The following MYO18A variants were observed in gnomAD, a reference collection of about 807,000 sequenced individuals.
The protein encoded by MYO18A is unconventional myosin-XVIIIa.
A neutral mutation model predicts 235.8 loss-of-function variants in MYO18A; 78 were observed. The observed-to-expected ratio is 0.33, with a 90% CI of 0.28 to 0.40. The LOEUF is 0.40. Ranked by LOEUF, MYO18A falls within the 10% of genes least tolerant of loss-of-function variation. The pLI, the probability that MYO18A is intolerant of heterozygous loss-of-function variation, is 1.00. For synonymous variants in MYO18A, 977 were observed against 1,077.8 expected (o/e 0.91, Z 1.83); for missense variants, 2,215 against 2,699.3 (o/e 0.82, Z 3.98).
At chr17:29,079,764 C>CATCA in intron 41 of MYO18A, 1 of 986,096 alleles carries the variant, frequency 1.0e-6, no homozygotes, top group Non-Finnish European at 1.2e-6. Flanking sequence ...GGTACCGCAT[C>CATCA]ATCAGGCTGT....
At chr17:29,155,465 G>C (rs552993079) in intron 2 of MYO18A, 117 of 152,364 alleles carry the variant, frequency 7.7e-4, no homozygotes, top group Non-Finnish European at 1.5e-3. Context: ...CTGGCAGTGA[G>C]AGGTGCTGGG....
At chr17:29,115,601 G>GA in intron 12 of MYO18A, 63 bp downstream of exon 12, 2 of 1,514,912 alleles carry the variant, frequency 1.3e-6, no homozygotes, top group Non-Finnish European at 1.8e-6. Context: ...CCGCCCCAGG[G>GA]ATGGCAGCAA....
chr17:29,097,250 C>T lies in MYO18A; in HGVS notation c.4203G>A (p.Gln1401=), dbSNP rs562086416. Reference sequence around the variant, plus strand: ...GCCGTTCCAGCTGCCTCTTGTTCTGCTGCTCCACCTCCAGCTTGTCCTCAA... The same window carrying T: ...GCCGTTCCAGCTGCCTCTTGTTCTGTTGCTCCACCTCCAGCTTGTCCTCAA... ...QEFEDKLEVE[Q]QNKRQLERRL... The change falls in exon 27 of 42, where the codon CAG becomes CAA. Residue 1401 remains glutamine (Q), a synonymous_variant. Coordinates refer to ENST00000527372, the MANE Select transcript of MYO18A (RefSeq NM_078471.4). 31 of 1,611,004 alleles carry T rather than the reference C, an allele frequency of 1.9e-5. No individual in the cohort carries two copies. In the East Asian group the frequency reaches 5.1e-4, roughly 27 times the overall value.
chr17:29,165,852 C>A (rs2068269531), intron 2 of MYO18A, 90 bp downstream of exon 2: 2 of 1,255,134 alleles, frequency 1.6e-6, no homozygotes, highest in East Asian at 2.5e-5. Context: ...GCTCTGATAA[C>A]AGCTCTTGGG....
chr17:29,092,813 G>C, intron 33 of MYO18A, 42 bp downstream of exon 33: 1 of 1,606,936 alleles, frequency 6.2e-7, no homozygotes, highest in Non-Finnish European at 8.5e-7. Context: ...GGAAAGGTAA[G>C]CTCTGTTGTG....
In MYO18A at chr17:29,090,606, C is replaced by G. The variant is rs772692547; in HGVS notation, c.5314G>C (p.Asp1772His). ...TGGAGATCATTTATCTGAGCCAGGT[C>G]CCGGGAAGCCTGGGAAAGGAATGAG... ...HKAAVAQASR[D>H]LAQINDLQAQ... Residue 1772 changes from aspartate (D) to histidine (H), a missense_variant, in exon 36 of 42, where the codon GAC becomes CAC. Asp to His is a moderately conservative substitution (Grantham distance 81). Coordinates refer to ENST00000527372, the MANE Select transcript of MYO18A (RefSeq NM_078471.4). 4 of 1,598,808 alleles carry G rather than the reference C, an allele frequency of 2.5e-6. No individual in the cohort carries two copies. The Admixed American group carries it at 6.9e-5, about 28-fold the overall frequency.
Position 29,074,306 on chromosome 17 carries a change from C to T in MYO18A, c.*464G>A. The T allele has an allele frequency of 9.6e-7, 1 of 1,037,498 alleles. No homozygotes were observed. The highest frequency in any genetic ancestry group is 1.4e-6 in the Non-Finnish European group (1 of 722,806). The allele number at this position is 1,037,498 out of a possible 1,614,324, so 64.3% of individuals were successfully genotyped here. On this transcript the variant is annotated 3_prime_UTR_variant, in exon 42 of 42. Transcript: ENST00000527372. This position sits in a 1 kb window ranked among gnomAD's most constrained non-coding sequence, Gnocchi z 4.4. ...GTATTTAAATTAAAAAGTAGAAAGA[C>T]AGCAGGCACCAAGAAGAGAGAGCCC... is the stretch of plus-strand genomic sequence containing the variant.
In MYO18A at chr17:29,074,967, C is replaced by T. The variant is rs2065939895; in HGVS notation, c.6021-53G>A. 1.2e-6 allele frequency: 2 copies of T among 1,601,756 alleles called. No individual in the cohort carries two copies. Among genetic ancestry groups the T allele is most frequent in the Non-Finnish European group, 1.7e-6 (2 of 1,170,740 alleles). On this transcript the variant is annotated intron_variant, in intron 41 of 41. Transcript: ENST00000527372. This position sits in a 1 kb window ranked among gnomAD's most constrained non-coding sequence, Gnocchi z 4.4. ...GACAAATGACACTCCTACCATTAAG[C>T]ACGCACGCCTTTGGTTCTGGAGGCC...
At chr17:29,084,970 C>T (rs982914512) in intron 40 of MYO18A, among the ~76,000 whole-genome samples, 5 of 152,122 alleles carry the variant, frequency 3.3e-5, no homozygotes, top group Admixed American at 6.5e-5. Context: ...CCAGCACAAG[C>T]GCCCGCTGGG....
At chr17:29,139,073 C>T in intron 2 of MYO18A, among the ~76,000 whole-genome samples, 1 of 152,198 alleles carries the variant, frequency 6.6e-6, no homozygotes, top group East Asian at 1.9e-4. Context: ...CCCTTGCAGT[C>T]CAGCCTCCAG....
Position 29,128,340 on chromosome 17 carries a change from C to T in MYO18A, c.1000-6087G>A, listed in dbSNP as rs918204409. ...TCGCTGGGCAGCACCTTACTCACCA[C>T]CTTCCTCACTGCATTTGCCACCCGC... On this transcript the variant is annotated intron_variant, in intron 2 of 41. Transcript: ENST00000527372. 2.4e-6 allele frequency: 3 copies of T among 1,274,516 alleles called. No homozygotes were observed. The African/African-American group carries it at 4.6e-5, about 20-fold the overall frequency. 79.0% of individuals were successfully genotyped at this position (1,274,516 alleles called of 1,614,324 possible).
intron 2 of MYO18A, among the ~76,000 whole-genome samples, chr17:29,154,064 T>A (rs1005453279): frequency 5.7e-4 from 86 of 151,248 alleles, no homozygotes; most frequent in African/African-American, 2.1e-3. Context: ...ATTGGAGGGG[T>A]CTGGGAGAAA....
At chr17:29,127,085 G>A (rs563618699) in intron 2 of MYO18A, among the ~76,000 whole-genome samples, 27 of 152,286 alleles carry the variant, frequency 1.8e-4, no homozygotes, top group African/African-American at 3.1e-4. Flanking sequence ...GCCAGGGACC[G>A]GCTTGGAGCA....
intron 7 of MYO18A, among the ~76,000 whole-genome samples, 192 bp from the exon 8 acceptor site, chr17:29,119,627 G>A (rs1016234279): frequency 1.4e-5 from 2 of 146,734 alleles, no homozygotes; most frequent in African/African-American, 2.5e-5. Flanking sequence ...GCAGTGGAGC[G>A]ATCTTGGCTC....
Position 29,109,778 on chromosome 17 carries a change from G to C in MYO18A, c.3331+80C>G. ...CAGGAGCAGCCCCACTGCAGCCCAC[G>C]GGTCGCAGGTGGGAGGTGGGGCCGG... On this transcript the variant is annotated intron_variant, in intron 19 of 41. Transcript: ENST00000527372. This position sits in a 1 kb window ranked among gnomAD's most constrained non-coding sequence, Gnocchi z 4.1. 1 of 1,492,394 alleles carries C rather than the reference G, an allele frequency of 6.7e-7. No homozygotes were observed. 92.4% of individuals were successfully genotyped at this position (1,492,394 alleles called of 1,614,324 possible).
chr17:29,095,971 G>A (rs1371549799), intron 28 of MYO18A, among the ~76,000 whole-genome samples: 2 of 152,320 alleles, frequency 1.3e-5, no homozygotes, highest in East Asian at 1.9e-4. Flanking sequence ...GAGGGAAGTG[G>A]TGGTCATGGT....
At chr17:29,173,454 C>T (rs1271474156) in intron 1 of MYO18A, among the ~76,000 whole-genome samples, 1 of 140,360 alleles carries the variant, frequency 7.1e-6, no homozygotes, top group African/African-American at 2.7e-5. Context: ...GTGGCACGAT[C>T]TCTGCTCACT....
rs780289689 is a variant in MYO18A at position 29,165,964 on chromosome 17, C to T, written c.977G>A (p.Gly326Glu). ...LSRSWLRSGE[G>E]PRREPSDAKT... Reference sequence around the variant, plus strand: ...CACATCGGATGGCTCCCTGCGAGGTCCCTCGCCGCTCCGCAGCCAGCTCCT... The same window carrying T: ...CACATCGGATGGCTCCCTGCGAGGTTCCTCGCCGCTCCGCAGCCAGCTCCT... Residue 326 changes from glycine (G) to glutamate (E), a missense_variant, in exon 2 of 42, where the codon GGA becomes GAA. By Grantham distance (98) the Gly-to-Glu change is moderately conservative. Coordinates refer to ENST00000527372, the MANE Select transcript of MYO18A (RefSeq NM_078471.4). The T allele has an allele frequency of 6.2e-7, 1 of 1,613,092 alleles. No individual in the cohort carries two copies.
chr17:29,120,867 GC>G lies in MYO18A; in HGVS notation c.1586-110del. The G allele has an allele frequency of 6.4e-7, 1 of 1,561,584 alleles. No individual in the cohort carries two copies. Among genetic ancestry groups the G allele is most frequent in the East Asian group, 2.2e-5 (1 of 44,488 alleles). ...GCTTGGGGCCATTCAGACCAGAACT[GC>G]CCGTGGACAGAGGGGTTTCGGGGGG... On this transcript the variant is annotated intron_variant, in intron 6 of 41. Coordinates refer to ENST00000527372, the MANE Select transcript of MYO18A (RefSeq NM_078471.4). This position sits in a 1 kb window ranked among gnomAD's most constrained non-coding sequence, Gnocchi z 4.2.
Sources: gnomAD v4.1 joint callset for allele counts (sites outside exome capture counted in the v4.1 genomes callset) on GRCh38, gnomAD v4.1.1 for gene constraint, Gnocchi (gnomAD v3.1) non-coding constraint, MANE v1.5 for transcripts, NCBI Gene and HGNC (gene_info 2026-07-23, HGNC 2026-07-21) for gene names.